The following COL23A1 variants were observed in gnomAD, a reference collection of about 807,000 sequenced individuals.
COL23A1 encodes collagen type XXIII alpha 1 chain, also known as collagen alpha-1(XXIII) chain.
COL23A1 carries 97 observed loss-of-function variants against 99.3 expected under a neutral mutation model. That is an observed-to-expected ratio of 0.98 (90% CI 0.83 to 1.16). The LOEUF (loss-of-function observed/expected upper bound fraction) is 1.16. Among genes scored for constraint, COL23A1 ranks in the 50% most tolerant of loss-of-function variants. COL23A1 has a pLI of 0.00. For synonymous variants in COL23A1, 320 were observed against 308.2 expected, an observed-to-expected ratio of 1.04 and a Z score of -0.40; for missense variants, 762 against 757.4, an observed-to-expected ratio of 1.01 and a Z score of -0.07.
rs1326696570 is a variant in COL23A1 at position 178,242,393 on chromosome 5, C to G, written c.1442G>C (p.Gly481Ala). The change falls in exon 26 of 29, where the codon GGT (glycine) becomes GCT (alanine). Residue 481 changes from glycine (G) to alanine (A), a missense_variant and splice_region_variant. Gly to Ala is a moderately conservative substitution (Grantham distance 60). Transcript: ENST00000390654. Reference sequence around the variant, plus strand: ...TTTCTCTCCTCGGGGTCCAGGGAAACCCTGACAAAAGGATTAGATGCTAAA... The same window carrying G: ...TTTCTCTCCTCGGGGTCCAGGGAAAGCCTGACAAAAGGATTAGATGCTAAA... ...KGRPGEPGLDGFPGPRGEKGD... is the reference protein window; with the variant it reads ...KGRPGEPGLDAFPGPRGEKGD... 1 of 1,614,118 alleles carries G rather than the reference C, an allele frequency of 6.2e-7. No homozygotes were observed. Among genetic ancestry groups the G allele is most frequent in the Non-Finnish European group, 8.5e-7 (1 of 1,180,004 alleles).
chr5:178,553,082 A>G (rs746711693), intron 2 of COL23A1, among the ~76,000 whole-genome samples: 2 of 150,920 alleles, frequency 1.3e-5, no homozygotes, highest in Non-Finnish European at 2.9e-5. Context: ...AGGCAGGAGG[A>G]TCACTTGAGC....
chr5:178,548,127 A>G (rs1024743338), intron 2 of COL23A1, among the ~76,000 whole-genome samples: 4 of 139,486 alleles, frequency 2.9e-5, no homozygotes, highest in Non-Finnish European at 6.1e-5. Flanking sequence ...CAAACTCTGT[A>G]AAGAACAAAG....
At chr5:178,326,964 C>A (rs554098380) in intron 2 of COL23A1, among the ~76,000 whole-genome samples, 2 of 152,354 alleles carry the variant, frequency 1.3e-5, no homozygotes, top group East Asian at 3.9e-4. Context: ...GTGATCCGCC[C>A]ACCTTGGCCT....
chr5:178,318,496 C>T (rs971955258), intron 2 of COL23A1, among the ~76,000 whole-genome samples: 2 of 152,212 alleles, frequency 1.3e-5, no homozygotes, highest in African/African-American at 2.4e-5. Flanking sequence ...CCTGAGACTA[C>T]GACCCTTCCT....
chr5:178,249,126 G>A lies in COL23A1; in HGVS notation c.1140C>T (p.Ser380=), dbSNP rs373322265. 45 of 1,614,154 alleles carry A rather than the reference G, an allele frequency of 2.8e-5. No homozygotes were observed. Among genetic ancestry groups the A allele is most frequent in the East Asian group, 4.5e-5 (2 of 44,882 alleles). Residue 380 remains serine, a synonymous_variant, in exon 19 of 29, where the codon TCC becomes TCT. Transcript: ENST00000390654. ...CAACCCAGCCACATACCGGGAGGCC[G>A]GACAAGCCCATCTCGCCTGCTTCCC... is the stretch of plus-strand genomic sequence containing the variant. The part of the protein sequence containing the change: ...LKGEAGEMGL[S]GLPGADGLKG...
At chr5:178,467,940 G>A (rs1398835683) in intron 2 of COL23A1, among the ~76,000 whole-genome samples, 1 of 152,200 alleles carries the variant, frequency 6.6e-6, no homozygotes, top group Non-Finnish European at 1.5e-5. Context: ...AGAGGCGTTA[G>A]CGACACACGG....
intron 2 of COL23A1, among the ~76,000 whole-genome samples, chr5:178,447,676 C>A (rs897899018): frequency 2.0e-5 from 3 of 152,100 alleles, no homozygotes; most frequent in African/African-American, 7.2e-5. Context: ...GACAAAATTG[C>A]CTACTGATGC....
chr5:178,263,224 C>A lies in COL23A1; in HGVS notation c.623G>T (p.Gly208Val). 6.2e-7 allele frequency: 1 copy of A among 1,613,626 alleles called. No homozygotes were observed. Residue 208 changes from glycine (G) to valine (V), a missense_variant, in exon 9 of 29, where the codon GGA becomes GTA. Gly to Val is a moderately radical substitution (Grantham distance 109). Transcript: ENST00000390654. ...PGDTGKDGPR[G>V]AQGPAGPKGE... is the part of the protein sequence containing the mutation. ...CTCTCTTACCGCTGGGCCTTGTGCT[C>A]CCCTGGGGCCATCTTTCCCAGTGTC...
At chr5:178,541,492 T>G (rs2113337003) in intron 2 of COL23A1, among the ~76,000 whole-genome samples, 1 of 152,242 alleles carries the variant, frequency 6.6e-6, no homozygotes, top group Non-Finnish European at 1.5e-5. Flanking sequence ...GGAGAATCGC[T>G]GGAACCCAGG....
In COL23A1 at chr5:178,387,755, TACAG is replaced by T. The variant is rs1763749355; in HGVS notation, c.362-80840_362-80837del. On this transcript the variant is annotated intron_variant, in intron 2 of 28. Coordinates refer to ENST00000390654, the MANE Select transcript of COL23A1 (RefSeq NM_173465.4). The surrounding 1 kb of genome is among the most constrained non-coding windows in gnomAD (Gnocchi z 4.7). ...TGAGGCAGTGGGTCTGAGTTCTCCC[TACAG>T]ACAGTGTGGGCCATTTTCCCCCGCG... Among the ~76,000 whole-genome samples, 1 of 152,172 alleles carries T rather than the reference TACAG, an allele frequency of 6.6e-6. No homozygotes were observed. Among genetic ancestry groups the T allele is most frequent in the African/African-American group, 2.4e-5 (1 of 41,402 alleles).
rs143338487 is a variant in COL23A1, at chr5:178,424,576, C to T, written c.362-117657G>A. 2.6e-4 allele frequency among the ~76,000 whole-genome samples: 39 copies of T among 152,292 alleles called. No homozygotes were observed. In the East Asian group the frequency reaches 7.0e-3, roughly 27 times the overall value. On this transcript the variant is annotated intron_variant, in intron 2 of 28. Coordinates refer to ENST00000390654, the MANE Select transcript of COL23A1 (RefSeq NM_173465.4). ...AGTGCTAGGGCCAGGACAAGACACA[C>T]CGGCAACGCTCAGAACTGGAATATA...
At chr5:178,463,100 G>C (rs972731430) in intron 2 of COL23A1, among the ~76,000 whole-genome samples, 1 of 152,190 alleles carries the variant, frequency 6.6e-6, no homozygotes, top group Non-Finnish European at 1.5e-5. Flanking sequence ...GACACAAAGG[G>C]AACTATTTTT....
chr5:178,326,604 T>C (rs1759678328), intron 2 of COL23A1, among the ~76,000 whole-genome samples: 1 of 152,216 alleles, frequency 6.6e-6, no homozygotes, highest in Admixed American at 6.5e-5. Flanking sequence ...TATTCACCTG[T>C]TATTCTATCT....
At position 178,256,355 on chromosome 5, in the gene COL23A1, G is replaced by C. The variant is rs767847561; in HGVS notation, c.880C>G (p.Arg294Gly). 4 of 1,601,582 alleles carry C rather than the reference G, an allele frequency of 2.5e-6. No homozygotes were observed. The highest frequency in any genetic ancestry group is 1.3e-5 in the African/African-American group (1 of 74,650). Reference sequence around the variant, plus strand: ...TCGCCTGAGGGGCGGCAGCTTACCCGGGGCCCTGCAGCTCCATCCGTGCCT... The same window carrying C: ...TCGCCTGAGGGGCGGCAGCTTACCCCGGGCCCTGCAGCTCCATCCGTGCCT... ...HRGTDGAAGP[R>G]GAPGLKGEQG... Residue 294 changes from arginine (R) to glycine (G), a missense_variant and splice_region_variant, in exon 15 of 29, where the codon CGG (arginine) becomes GGG (glycine). Coordinates refer to ENST00000390654, the MANE Select transcript of COL23A1 (RefSeq NM_173465.4).
chr5:178,560,212 T>C (rs968213239), intron 2 of COL23A1, among the ~76,000 whole-genome samples: 4 of 152,216 alleles, frequency 2.6e-5, no homozygotes, highest in African/African-American at 7.2e-5. Flanking sequence ...TCAGACCTCA[T>C]TGCCTGTTTC....
chr5:178,262,195 C>T lies in COL23A1; in HGVS notation c.675+22G>A, dbSNP rs758136028. 8.9e-6 allele frequency: 14 copies of T among 1,574,446 alleles called. No individual in the cohort carries two copies. In the South Asian group the frequency reaches 1.3e-4, roughly 14 times the overall value. ...ACCATGATCCTAGCAGCCCAGGCCT[C>T]TGGAATGCCCTGGATACTGACCATC... On this transcript the variant is annotated intron_variant, in intron 10 of 28. Transcript: ENST00000390654.
chr5:178,286,059 C>G (rs542390933), intron 5 of COL23A1, among the ~76,000 whole-genome samples: 1 of 152,266 alleles, frequency 6.6e-6, no homozygotes, highest in South Asian at 2.1e-4. Flanking sequence ...CGCCCTGAAT[C>G]CAGCCCACCC....
intron 2 of COL23A1, among the ~76,000 whole-genome samples, chr5:178,357,908 GTGTGTGTATGTGTA>G (rs1399891742): frequency 1.4e-4 from 15 of 103,738 alleles, no homozygotes; most frequent in South Asian, 6.4e-4. Flanking sequence ...TGTGTCTAAT[GTGTGTGTATGTGTA>G]TGTGTGTATG....
chr5:178,337,830 A>G (rs541892231), intron 2 of COL23A1, among the ~76,000 whole-genome samples: 3 of 152,330 alleles, frequency 2.0e-5, no homozygotes, highest in Admixed American at 6.5e-5. Flanking sequence ...AGGAGTCAAA[A>G]AAATGATAAT....
Sources: gnomAD v4.1 joint callset for allele counts (sites outside exome capture counted in the v4.1 genomes callset) on GRCh38, gnomAD v4.1.1 for gene constraint, Gnocchi (gnomAD v3.1) non-coding constraint, MANE v1.5 for transcripts, NCBI Gene and HGNC (gene_info 2026-07-23, HGNC 2026-07-21) for gene names.